The following RFX2 variants were observed in gnomAD, a reference collection of about 807,000 sequenced individuals.
RFX2 encodes regulatory factor X2.
Under a neutral mutation model 87.8 loss-of-function variants are expected in RFX2, and 20 were observed. The observed-to-expected ratio is 0.23, with a 90% CI of 0.16 to 0.33. RFX2 has a LOEUF of 0.33. RFX2 is among the 10% of genes least tolerant of loss of function. The probability of loss-of-function intolerance (pLI) is 1.00; values close to 1 mark genes in which losing one functional copy is unlikely to be tolerated. For synonymous variants in RFX2, 397 were observed against 431.3 expected (o/e 0.92, Z 0.98); for missense variants, 767 against 1,012.3 (o/e 0.76, Z 3.29).
chr19:6,051,272 TTCTTC>T, intron 1 of RFX2, among the ~76,000 whole-genome samples: 1 of 152,166 alleles, frequency 6.6e-6, no homozygotes, highest in Admixed American at 6.5e-5. Context: ...ATTTTTCCTT[TTCTTC>T]TCTTAATTTA....
intron 1 of RFX2, among the ~76,000 whole-genome samples, chr19:6,055,585 G>A (rs953910351): frequency 9.2e-5 from 14 of 151,990 alleles, no homozygotes; most frequent in Admixed American, 1.3e-4. Flanking sequence ...CACCATACCC[G>A]GCTAATTTTT....
chr19:6,078,638 A>C (rs2087730537), intron 1 of RFX2, among the ~76,000 whole-genome samples: 1 of 152,224 alleles, frequency 6.6e-6, no homozygotes, highest in Admixed American at 6.5e-5. Flanking sequence ...AAGATCTAGA[A>C]GGACACAAGT....
Position 6,007,279 on chromosome 19 carries a change from G to T in RFX2, c.1248-113C>A. On this transcript the variant is annotated intron_variant, in intron 11 of 17. Coordinates refer to ENST00000303657, the MANE Select transcript of RFX2 (RefSeq NM_000635.4). The surrounding 1 kb of genome is among the most constrained non-coding windows in gnomAD (Gnocchi z 8.2). ...GACTTTTGCCCAACAGTGGGGCTGG[G>T]GTTTTGCTCCCCATCCCTGAGCCTC... 1 of 1,128,786 alleles carries T rather than the reference G, an allele frequency of 8.9e-7. No individual in the cohort carries two copies. The highest frequency in any genetic ancestry group is 1.3e-6 in the Non-Finnish European group (1 of 794,088). 69.9% of individuals were successfully genotyped at this position (1,128,786 alleles called of 1,614,324 possible). A position where few individuals can be genotyped will look rare whatever the true frequency, so the allele number is the denominator to read the frequency against.
intron 1 of RFX2, among the ~76,000 whole-genome samples, chr19:6,091,267 G>A (rs1269230462): frequency 3.3e-5 from 5 of 152,160 alleles, no homozygotes; most frequent in African/African-American, 1.2e-4. Flanking sequence ...TGAGGCTGGG[G>A]ATTGCTTGAA....
chr19:6,016,403 CT>C lies in RFX2; in HGVS notation c.598-133del, dbSNP rs1178529739. ...GGATGAGGAAATCCATCTTTTCTTT[CT>C]TTTTGAGGCGGAGTCTTGCTCTGTC... On this transcript the variant is annotated intron_variant, in intron 6 of 17. Transcript: ENST00000303657. The surrounding 1 kb of genome is among the most constrained non-coding windows in gnomAD (Gnocchi z 5.4). 17 of 603,482 alleles carry C rather than the reference CT, an allele frequency of 2.8e-5. No individual in the cohort carries two copies. The highest frequency in any genetic ancestry group is 4.1e-5 in the Non-Finnish European group (15 of 369,874). The allele number at this position is 603,482 out of a possible 1,614,324, so 37.4% of individuals were successfully genotyped here.
rs2087219496 is a variant in RFX2 at position 6,047,979 on chromosome 19, T to G, written c.-8-475A>C. Among the ~76,000 whole-genome samples, 1 of 152,244 alleles carries G rather than the reference T, an allele frequency of 6.6e-6. No individual in the cohort carries two copies. The highest frequency in any genetic ancestry group is 1.5e-5 in the Non-Finnish European group (1 of 68,040). ...CACCGTTGACATTTGAGCTGGATAC[T>G]TCTTTGCTGTTGGAGGCCCATTCTG... On this transcript the variant is annotated intron_variant, in intron 1 of 17. Coordinates refer to ENST00000303657, the MANE Select transcript of RFX2 (RefSeq NM_000635.4). This position sits in a 1 kb window ranked among gnomAD's most constrained non-coding sequence, Gnocchi z 4.2.
chr19:6,100,621 T>C (rs1185056779), intron 1 of RFX2, among the ~76,000 whole-genome samples: 1 of 151,872 alleles, frequency 6.6e-6, no homozygotes, highest in Non-Finnish European at 1.5e-5. Flanking sequence ...CAGGCCCACG[T>C]AAATCGGAGG....
chr19:6,087,924 C>G (rs1202556308), intron 1 of RFX2, among the ~76,000 whole-genome samples: 2 of 152,178 alleles, frequency 1.3e-5, no homozygotes, highest in Non-Finnish European at 2.9e-5. Flanking sequence ...AGTCTCACTC[C>G]TTACATCATC....
Position 6,101,444 on chromosome 19 carries a change from TG to T in RFX2, c.-9+8948del, listed in dbSNP as rs2088126396. 1.3e-5 allele frequency among the ~76,000 whole-genome samples: 2 copies of T among 152,230 alleles called. No individual in the cohort carries two copies. The highest frequency in any genetic ancestry group is 2.9e-5 in the Non-Finnish European group (2 of 68,036). ...TGGGTGGAGCCCGCATACATTTTTG[TG>T]GGCTGGTAATTTTTTTGGAAACTGC... On this transcript the variant is annotated intron_variant, in intron 1 of 17. Transcript: ENST00000303657. This position sits in a 1 kb window ranked among gnomAD's most constrained non-coding sequence, Gnocchi z 4.9.
Position 6,047,896 on chromosome 19 carries a change from G to A in RFX2, c.-8-392C>T, listed in dbSNP as rs373997209. ...TGGGTGGGTGACTGCCATTTGGGAA[G>A]CTACTGCACCCCAAACGACAACGGG... On this transcript the variant is annotated intron_variant, in intron 1 of 17. Coordinates refer to ENST00000303657, the MANE Select transcript of RFX2 (RefSeq NM_000635.4). The surrounding 1 kb of genome is among the most constrained non-coding windows in gnomAD (Gnocchi z 4.2). 2.6e-5 allele frequency among the ~76,000 whole-genome samples: 4 copies of A among 152,348 alleles called. No individual in the cohort carries two copies. The highest frequency in any genetic ancestry group is 7.2e-5 in the African/African-American group (3 of 41,584).
chr19:6,015,576 C>T (rs2144708586), intron 7 of RFX2, among the ~76,000 whole-genome samples: 1 of 152,136 alleles, frequency 6.6e-6, no homozygotes, highest in Middle Eastern at 3.4e-3. Flanking sequence ...GCAGCCTCAA[C>T]CTCCTGGGCT....
chr19:6,034,871 C>T (rs1327592221), intron 5 of RFX2, among the ~76,000 whole-genome samples: 4 of 152,174 alleles, frequency 2.6e-5, no homozygotes, highest in African/African-American at 2.4e-5. Context: ...CTCAGATAGA[C>T]TCTTGTTTAA....
intron 5 of RFX2, among the ~76,000 whole-genome samples, chr19:6,031,540 C>T (rs888488958): frequency 6.8e-6 from 1 of 146,722 alleles, no homozygotes; most frequent in Non-Finnish European, 1.5e-5. Flanking sequence ...AGCAATTCTC[C>T]TGCCTCAGCC....
At chr19:6,078,934 C>A (rs369830695) in intron 1 of RFX2, among the ~76,000 whole-genome samples, 2 of 152,200 alleles carry the variant, frequency 1.3e-5, no homozygotes, top group South Asian at 4.1e-4. Context: ...TGCCACCATG[C>A]CCAGCTAATT....
Position 6,061,859 on chromosome 19 carries a change from C to G in RFX2, c.-8-14355G>C, listed in dbSNP as rs994230319. On this transcript the variant is annotated intron_variant, in intron 1 of 17. Transcript: ENST00000303657. The surrounding 1 kb of genome is among the most constrained non-coding windows in gnomAD (Gnocchi z 5.2). Reference sequence around the variant, plus strand: ...AATGATATAGCTGATGTGCCCACCCCGAGTGTGGATCCCAGCAGGTGCCTG... The same window carrying G: ...AATGATATAGCTGATGTGCCCACCCGGAGTGTGGATCCCAGCAGGTGCCTG... 6.6e-6 allele frequency among the ~76,000 whole-genome samples: 1 copy of G among 152,056 alleles called. No homozygotes were observed. Among genetic ancestry groups the G allele is most frequent in the South Asian group, 2.1e-4 (1 of 4,822 alleles).
In RFX2 at chr19:6,002,863, A is replaced by C. The variant is rs750438101; in HGVS notation, c.1508T>G (p.Val503Gly). 6.2e-6 allele frequency: 10 copies of C among 1,606,992 alleles called. No homozygotes were observed. The highest frequency in any genetic ancestry group is 8.5e-6 in the Non-Finnish European group (10 of 1,178,342). ...CAGCGTCTGGGCGAAGGCACTGACG[A>C]CGCCCACCTGTAAGCCAGGGCTCGT... Reference protein sequence around the residue: ...PQQVIQTKVGVVSAFAQTLRR... With the variant: ...PQQVIQTKVGGVSAFAQTLRR... The change falls in exon 14 of 18, where the codon GTC becomes GGC. Residue 503 changes from valine (V) to glycine (G), a missense_variant. Physicochemically the swap from Val to Gly is moderately radical, Grantham distance 109. Coordinates refer to ENST00000303657, the MANE Select transcript of RFX2 (RefSeq NM_000635.4). This position sits in a 1 kb window ranked among gnomAD's most constrained non-coding sequence, Gnocchi z 6.7.
intron 1 of RFX2, among the ~76,000 whole-genome samples, chr19:6,107,975 G>A (rs1009178652): frequency 1.3e-5 from 2 of 152,338 alleles, no homozygotes; most frequent in Admixed American, 6.5e-5. Flanking sequence ...TGATTTCAAA[G>A]AACTTGTCCT....
At position 6,013,249 on chromosome 19, in the gene RFX2, C is replaced by T. The variant is rs180796387; in HGVS notation, c.780-144G>A. On this transcript the variant is annotated intron_variant, in intron 7 of 17. Transcript: ENST00000303657. The surrounding 1 kb of genome is among the most constrained non-coding windows in gnomAD (Gnocchi z 4.1). ...CGCCCAGGCTGGAGTACAGCAGTGC[C>T]ATCTCGGCTCACTGCAATCTCCGCC... The T allele has an allele frequency of 2.3e-4, 169 of 739,008 alleles. No individual in the cohort carries two copies. Among genetic ancestry groups the T allele is most frequent in the Non-Finnish European group, 2.9e-4 (148 of 503,200 alleles). The allele number at this position is 739,008 out of a possible 1,614,324, so 45.8% of individuals were successfully genotyped here.
rs946927168 is a variant in RFX2 at position 6,020,967 on chromosome 19, C to A, written c.598-4696G>T. On this transcript the variant is annotated intron_variant, in intron 6 of 17. Coordinates refer to ENST00000303657, the MANE Select transcript of RFX2 (RefSeq NM_000635.4). This position sits in a 1 kb window ranked among gnomAD's most constrained non-coding sequence, Gnocchi z 5.3. ...ATGCCAGCGCCTCCCTCTCCCCGGC[C>A]CCCCAACAAAGGCCTGTGGTTCTGG... Among the ~76,000 whole-genome samples, 8 of 152,174 alleles carry A rather than the reference C, an allele frequency of 5.3e-5. No individual in the cohort carries two copies. Among genetic ancestry groups the A allele is most frequent in the South Asian group, 4.1e-4 (2 of 4,822 alleles).
Sources: allele counts gnomAD v4.1 joint callset (sites outside exome capture counted in the v4.1 genomes callset), GRCh38; gene constraint gnomAD v4.1.1; non-coding constraint Gnocchi (gnomAD v3.1); transcripts MANE v1.5; gene names NCBI Gene and HGNC (gene_info 2026-07-23, HGNC 2026-07-21).